PMFBP1: variants seen among roughly 807,000 people sequenced by gnomAD.
The protein encoded by PMFBP1 is polyamine modulated factor 1 binding protein 1, also known as polyamine-modulated factor 1-binding protein 1.
A neutral mutation model predicts 137.8 loss-of-function variants in PMFBP1; 131 were observed. The ratio of observed to expected loss-of-function variants is 0.95; its 90% confidence interval spans 0.82 to 1.10. PMFBP1 has a LOEUF of 1.10. PMFBP1 is among the 50% of genes least tolerant of loss of function. The probability of loss-of-function intolerance (pLI) is 0.00; values close to 1 mark genes in which losing one functional copy is unlikely to be tolerated. For missense variants in PMFBP1, 1,199 were observed against 1,175.4 expected, an observed-to-expected ratio of 1.02 and a Z score of -0.29; for synonymous variants, 490 against 450.4, an observed-to-expected ratio of 1.09 and a Z score of -1.11.
chr16:72,183,540 G>A, the PMFBP1 span, among the ~76,000 whole-genome samples: 1 of 152,062 alleles, frequency 6.6e-6, no homozygotes, highest in Non-Finnish European at 1.5e-5. Context: ...CCTTTTATAA[G>A]GACACCAGTC....
At chr16:72,192,889 G>C in the PMFBP1 span, among the ~76,000 whole-genome samples, 1 of 144,404 alleles carries the variant, frequency 6.9e-6, no homozygotes, top group Non-Finnish European at 1.5e-5. Context: ...GTGACAGAGG[G>C]AGTCTCTGTC....
chr16:72,156,996 G>T (rs2042990742), intron 3 of PMFBP1, among the ~76,000 whole-genome samples: 1 of 151,472 alleles, frequency 6.6e-6, no homozygotes, highest in Admixed American at 6.6e-5. Flanking sequence ...GACCATCCTG[G>T]CTAACACGGT....
chr16:72,173,870 T>G (rs1397393535), upstream of PMFBP1: 1 of 152,288 alleles, frequency 6.6e-6, no homozygotes, highest in Non-Finnish European at 1.5e-5. Context: ...CTACTGACTC[T>G]CTGAAGCCAG....
At chr16:72,147,255 C>G (rs1016765026) in intron 5 of PMFBP1, among the ~76,000 whole-genome samples, 7 of 152,104 alleles carry the variant, frequency 4.6e-5, no homozygotes, top group African/African-American at 1.7e-4. Context: ...ACAAACCTGA[C>G]AAAAACAACC....
chr16:72,147,132 G>A (rs149306462), intron 5 of PMFBP1, among the ~76,000 whole-genome samples: 79 of 152,198 alleles, frequency 5.2e-4, no homozygotes, highest in African/African-American at 1.9e-3. Flanking sequence ...TATATTACAA[G>A]GCTACAGTAA....
At chr16:72,178,344 C>G (rs947521998), upstream of PMFBP1, among the ~76,000 whole-genome samples, 1 of 152,086 alleles carries the variant, frequency 6.6e-6, no homozygotes, top group African/African-American at 2.4e-5. Flanking sequence ...TATTTTTCCC[C>G]ACTATAATTA....
intron 3 of PMFBP1, among the ~76,000 whole-genome samples, chr16:72,162,119 G>T: frequency 6.6e-6 from 1 of 152,144 alleles, no homozygotes; most frequent in East Asian, 1.9e-4. Context: ...TGTCTCTGTT[G>T]TTCTTTTCTC....
chr16:72,231,429 G>A, the PMFBP1 span, among the ~76,000 whole-genome samples: 8 of 152,118 alleles, frequency 5.3e-5, no homozygotes, highest in Non-Finnish European at 1.2e-4. Context: ...ACTGCCTGAA[G>A]GTTAAAGGGA....
chr16:72,182,351 C>A, the PMFBP1 span, among the ~76,000 whole-genome samples: 1 of 152,182 alleles, frequency 6.6e-6, no homozygotes, highest in Non-Finnish European at 1.5e-5. Flanking sequence ...CAAAAGTGAG[C>A]CAGGCATGGT....
intron 5 of PMFBP1, among the ~76,000 whole-genome samples, chr16:72,145,388 AG>A (rs1449199006): frequency 1.3e-5 from 2 of 152,250 alleles, no homozygotes; most frequent in Non-Finnish European, 2.9e-5. Flanking sequence ...AGCAGTGTGT[AG>A]AGGGAAATTT....
At chr16:72,195,475 C>A in the PMFBP1 span, among the ~76,000 whole-genome samples, 13 of 152,156 alleles carry the variant, frequency 8.5e-5, no homozygotes, top group African/African-American at 3.1e-4. Flanking sequence ...GACACAAGAA[C>A]CCAGCCCCGC....
At chr16:72,210,978 TTCTTTGC>T in the PMFBP1 span, among the ~76,000 whole-genome samples, 1 of 152,186 alleles carries the variant, frequency 6.6e-6, no homozygotes, top group Non-Finnish European at 1.5e-5. Flanking sequence ...GCCAAGTGGA[TTCTTTGC>T]TAGGTAAGTT....
At chr16:72,134,654 C>T (rs1265051096) in intron 9 of PMFBP1, among the ~76,000 whole-genome samples, 4 of 152,226 alleles carry the variant, frequency 2.6e-5, no homozygotes, top group Admixed American at 1.3e-4. Flanking sequence ...TCTGCCTCTG[C>T]TGAGCTCCTG....
chr16:72,219,206 T>C, the PMFBP1 span, among the ~76,000 whole-genome samples: 3 of 152,200 alleles, frequency 2.0e-5, no homozygotes, highest in Non-Finnish European at 4.4e-5. Context: ...CCATGATGTA[T>C]TACTGAGGAT....
intron 5 of PMFBP1, among the ~76,000 whole-genome samples, chr16:72,142,162 C>T (rs1408413884): frequency 6.6e-6 from 1 of 151,994 alleles, no homozygotes; most frequent in African/African-American, 2.4e-5. Flanking sequence ...GCAGGAAGGC[C>T]AGGCAGAAAT....
chr16:72,177,628 T>A (rs1441743424), upstream of PMFBP1, among the ~76,000 whole-genome samples: 1 of 152,234 alleles, frequency 6.6e-6, no homozygotes, highest in Non-Finnish European at 1.5e-5. Flanking sequence ...GATGATACGA[T>A]GATCAAAACT....
chr16:72,117,248 A>AT (rs35769636), downstream of PMFBP1, among the ~76,000 whole-genome samples: 3 of 151,430 alleles, frequency 2.0e-5, no homozygotes, highest in Non-Finnish European at 4.4e-5. Context: ...GTATTTGTTT[A>AT]TTTTTTTTGC....
intron 3 of PMFBP1, among the ~76,000 whole-genome samples, chr16:72,161,963 T>A (rs2043068952): frequency 6.6e-6 from 1 of 152,244 alleles, no homozygotes; most frequent in South Asian, 2.1e-4. Flanking sequence ...TGCTAAAAAG[T>A]GTCCTCTGTA....
intron 2 of PMFBP1, among the ~76,000 whole-genome samples, chr16:72,170,971 A>G (rs1396674078): frequency 6.6e-6 from 1 of 152,180 alleles, no homozygotes; most frequent in Non-Finnish European, 1.5e-5. Context: ...AGATAAGGCA[A>G]AGGAAACTTA....
Sources: allele counts gnomAD v4.1 joint callset (sites outside exome capture counted in the v4.1 genomes callset), GRCh38; gene constraint gnomAD v4.1.1; transcripts MANE v1.5; gene names NCBI Gene and HGNC (gene_info 2026-07-23, HGNC 2026-07-21).